Variants in CNBD1 observed in about 807,000 individuals in gnomAD.
CNBD1 encodes cyclic nucleotide binding domain containing 1.
A neutral mutation model predicts 54.4 loss-of-function variants in CNBD1; 71 were observed. The observed-to-expected ratio is 1.30, with a 90% CI of 1.08 to 1.59. The LOEUF (loss-of-function observed/expected upper bound fraction) is 1.59, where lower values mean the gene tolerates loss of function less well. Among genes scored for constraint, CNBD1 ranks in the 40% most tolerant of loss-of-function variants. The pLI, the probability that CNBD1 is intolerant of heterozygous loss-of-function variation, is 0.00. For synonymous variants in CNBD1, 182 were observed against 170.7 expected, an observed-to-expected ratio of 1.07 and a Z score of -0.51; for missense variants, 659 against 518.0, an observed-to-expected ratio of 1.27 and a Z score of -2.64.
chr8:87,372,314 C>T (rs571956540), intron 10 of CNBD1, among the ~76,000 whole-genome samples: 1 of 151,906 alleles, frequency 6.6e-6, no homozygotes, highest in Non-Finnish European at 1.5e-5. Context: ...TATGATGGGC[C>T]CTGTTGTAGA....
chr8:87,138,542 C>T (rs1466041473), intron 4 of CNBD1, among the ~76,000 whole-genome samples: 4 of 152,208 alleles, frequency 2.6e-5, no homozygotes, highest in African/African-American at 9.6e-5. Context: ...TCTTTATCTG[C>T]TCCTGCTGTT....
intron 4 of CNBD1, among the ~76,000 whole-genome samples, chr8:87,030,237 G>A (rs1809751996): frequency 3.3e-5 from 5 of 152,148 alleles, no homozygotes; most frequent in Admixed American, 3.3e-4. Context: ...GCAGTTGAAT[G>A]AGATATAAAA....
chr8:87,136,381 T>G (rs1812226532), intron 4 of CNBD1, among the ~76,000 whole-genome samples: 1 of 150,028 alleles, frequency 6.7e-6, no homozygotes, highest in Non-Finnish European at 1.5e-5. Flanking sequence ...ACATCTCAAT[T>G]AATGTGGAAG....
chr8:86,894,760 T>C (rs559699719), intron 2 of CNBD1, among the ~76,000 whole-genome samples: 7 of 152,336 alleles, frequency 4.6e-5, no homozygotes, highest in Non-Finnish European at 7.4e-5. Flanking sequence ...TTGCCTTTTT[T>C]AGAATGTCAT....
At chr8:87,291,558 A>AT (rs1585987631) in intron 8 of CNBD1, among the ~76,000 whole-genome samples, 2 of 152,050 alleles carry the variant, frequency 1.3e-5, no homozygotes, top group Admixed American at 6.6e-5. Flanking sequence ...TTGTAGTGTT[A>AT]TAAAAAAAAA....
chr8:87,226,737 C>T (rs542800047), intron 5 of CNBD1, among the ~76,000 whole-genome samples: 6 of 152,006 alleles, frequency 3.9e-5, no homozygotes, highest in African/African-American at 1.2e-4. Context: ...GTGGAGAGTT[C>T]TGTAGATGTC....
chr8:87,308,133 A>G (rs1317655876), intron 8 of CNBD1, among the ~76,000 whole-genome samples: 1 of 152,102 alleles, frequency 6.6e-6, no homozygotes, highest in Non-Finnish European at 1.5e-5. Flanking sequence ...TCTAGGAAAA[A>G]TCTGTTATGA....
downstream of CNBD1, among the ~76,000 whole-genome samples, chr8:87,387,479 T>G (rs184039296): frequency 1.8e-4 from 27 of 152,176 alleles, no homozygotes; most frequent in African/African-American, 3.6e-4. Context: ...AAACAGACTT[T>G]AAACCAACAA....
At position 87,323,868 on chromosome 8, in the gene CNBD1, T is replaced by C. The variant is rs375997478; in HGVS notation, c.1043-27817T>C. The stretch of plus-strand genomic sequence containing the variant: ...AATAGGAGTGGTGAGAGAGGGCATC[T>C]CTGTCTTGTGCCAGTTTTCAAAGGG... On this transcript the variant is annotated intron_variant, in intron 8 of 10. Transcript: ENST00000518476. 6.2e-4 allele frequency among the ~76,000 whole-genome samples: 83 copies of C among 134,086 alleles called. 1 individual carries two copies. Among genetic ancestry groups the C allele is most frequent in the African/African-American group, 2.0e-3 (73 of 36,182 alleles). The allele number at this position is 134,086 out of a possible 152,430, so 88.0% of individuals were successfully genotyped here.
chr8:87,108,320 T>C (rs182142465), intron 4 of CNBD1, among the ~76,000 whole-genome samples: 3 of 152,320 alleles, frequency 2.0e-5, no homozygotes, highest in Admixed American at 2.0e-4. Flanking sequence ...TAATGTTTGG[T>C]ATTCTATAAA....
intron 4 of CNBD1, among the ~76,000 whole-genome samples, chr8:87,074,975 A>G (rs1309788553): frequency 6.6e-6 from 1 of 152,114 alleles, no homozygotes; most frequent in Non-Finnish European, 1.5e-5. Context: ...CAATTATTTA[A>G]TCTGTCTTTT....
chr8:87,416,792 A>T (rs1015998534), intron 2 of CNBD1, among the ~76,000 whole-genome samples: 1 of 152,076 alleles, frequency 6.6e-6, no homozygotes, highest in South Asian at 2.1e-4. Context: ...AATGCATTCT[A>T]TGAGTATTAC....
chr8:87,150,820 T>C (rs1586291680), intron 4 of CNBD1, among the ~76,000 whole-genome samples: 1 of 152,158 alleles, frequency 6.6e-6, no homozygotes, highest in African/African-American at 2.4e-5. Context: ...TTCTTGATGA[T>C]TATATTTCAA....
intron 2 of CNBD1, among the ~76,000 whole-genome samples, chr8:87,412,354 AATACTATGTCAATATATCACTTCTGGTT>A (rs1362175662): frequency 6.6e-6 from 1 of 152,132 alleles, no homozygotes; most frequent in African/African-American, 2.4e-5. Flanking sequence ...ACAGAACAGT[AATACTATGTCAATATATCACTTCTGGTT>A]ACTCGATATG....
intron 4 of CNBD1, among the ~76,000 whole-genome samples, chr8:86,954,466 C>G (rs1807707723): frequency 6.6e-6 from 1 of 152,204 alleles, no homozygotes; most frequent in Admixed American, 6.5e-5. Context: ...CAGATTTTCT[C>G]TTTAAAAGAT....
At chr8:87,310,968 G>A (rs1586002547) in intron 8 of CNBD1, among the ~76,000 whole-genome samples, 1 of 152,066 alleles carries the variant, frequency 6.6e-6, no homozygotes, top group African/African-American at 2.4e-5. Flanking sequence ...AGAGAAGACT[G>A]AAGCCTAAGA....
At chr8:87,338,850 A>G (rs2130917067) in intron 8 of CNBD1, among the ~76,000 whole-genome samples, 1 of 152,190 alleles carries the variant, frequency 6.6e-6, no homozygotes, top group Middle Eastern at 3.4e-3. Context: ...ACACTACTAT[A>G]AATAGACCTT....
intron 4 of CNBD1, among the ~76,000 whole-genome samples, chr8:87,127,865 C>T (rs963616253): frequency 1.3e-5 from 2 of 152,068 alleles, no homozygotes; most frequent in Non-Finnish European, 2.9e-5. Context: ...AAACCCACAG[C>T]CCTAAATGGG....
intron 6 of CNBD1, among the ~76,000 whole-genome samples, chr8:87,268,187 G>A (rs1280150179): frequency 1.3e-5 from 2 of 152,048 alleles, no homozygotes; most frequent in Non-Finnish European, 2.9e-5. Context: ...TCCCACTTAT[G>A]AGGAAGAACA....
Sources: gnomAD v4.1 joint callset for allele counts (sites outside exome capture counted in the v4.1 genomes callset) on GRCh38, gnomAD v4.1.1 for gene constraint, MANE v1.5 for transcripts, NCBI Gene and HGNC (gene_info 2026-07-23, HGNC 2026-07-21) for gene names.